The following IPP variants were observed in gnomAD, a reference collection of about 807,000 sequenced individuals.
IPP encodes actin-binding protein IPP.
A neutral mutation model predicts 64.1 loss-of-function variants in IPP; 41 were observed. The ratio of observed to expected loss-of-function variants is 0.64; its 90% confidence interval spans 0.50 to 0.83. The LOEUF is 0.83. Ranked by LOEUF, IPP falls within the 40% of genes least tolerant of loss-of-function variation. The pLI is 0.00. For missense variants in IPP, 649 were observed against 703.0 expected (o/e 0.92, Z 0.87); for synonymous variants, 214 against 235.2 (o/e 0.91, Z 0.83).
At position 45,746,268 on chromosome 1, in the gene IPP, A is replaced by C. The variant is rs1557763643; in HGVS notation, c.144T>G (p.Phe48Leu). ...CAGCCAAAACCAGCCGATGAGCTTT[A>C]AAACTTTCCTGTCCAACTTGCAGCT... The part of the protein sequence containing the change: ...DVQLQVGQES[F>L]KAHRLVLAAS... Residue 48 changes from phenylalanine to leucine, a missense_variant, in exon 2 of 9, where the codon TTT becomes TTG. By Grantham distance (22) the Phe-to-Leu change is conservative. Transcript: ENST00000396478. The C allele has an allele frequency of 6.2e-7, 1 of 1,614,214 alleles. No homozygotes were observed. The highest frequency in any genetic ancestry group is 8.5e-7 in the Non-Finnish European group (1 of 1,180,040).
chr1:45,725,030 C>A (rs1645794957), intron 5 of IPP, among the ~76,000 whole-genome samples: 1 of 146,106 alleles, frequency 6.8e-6, no homozygotes, highest in Non-Finnish European at 1.5e-5. Context: ...GGGTCAGCCC[C>A]CCGCCCGGCC....
intron 1 of IPP, among the ~76,000 whole-genome samples, chr1:45,749,978 G>C (rs1210978257): frequency 6.6e-6 from 1 of 152,124 alleles, no homozygotes; most frequent in Non-Finnish European, 1.5e-5. Context: ...GCTAGAGCCT[G>C]AGAAGTCGAG....
chr1:45,743,903 G>A (rs994978522), intron 2 of IPP, among the ~76,000 whole-genome samples: 1 of 151,688 alleles, frequency 6.6e-6, no homozygotes, highest in African/African-American at 2.4e-5. Context: ...TATAATCCCA[G>A]CTACTTGGGA....
intron 1 of IPP, among the ~76,000 whole-genome samples, chr1:45,749,873 GC>G (rs1455168423): frequency 4.6e-5 from 7 of 151,902 alleles, no homozygotes; most frequent in Non-Finnish European, 1.0e-4. Context: ...AATACAGCGA[GC>G]CCCCCGCCGC....
intron 7 of IPP, among the ~76,000 whole-genome samples, chr1:45,715,102 G>A (rs1645639691): frequency 6.6e-6 from 1 of 151,646 alleles, no homozygotes; most frequent in East Asian, 1.9e-4. Context: ...GACTGAGGTG[G>A]GAGGATGGCT....
chr1:45,714,284 C>T lies in IPP; in HGVS notation c.1492G>A (p.Asp498Asn), dbSNP rs1226144051. Reference sequence around the variant, plus strand: ...TATTTTTCTACAGTATGAAGAGCATCTTGGGTCTCATTCCATCCTCCAACA... The same window carrying T: ...TATTTTTCTACAGTATGAAGAGCATTTTGGGTCTCATTCCATCCTCCAACA... ...YSVGGWNETQ[D>N]ALHTVEKYSF... is the part of the protein sequence containing the mutation. Residue 498 changes from aspartate (D) to asparagine (N), a missense_variant, in exon 8 of 9, where the codon GAT becomes AAT. By Grantham distance (23) the Asp-to-Asn change is conservative. Coordinates refer to ENST00000396478, the MANE Select transcript of IPP (RefSeq NM_005897.3). The T allele has an allele frequency of 5.6e-6, 9 of 1,614,004 alleles. No individual in the cohort carries two copies. The African/African-American group carries it at 6.7e-5, about 12-fold the overall frequency.
intron 1 of IPP, among the ~76,000 whole-genome samples, chr1:45,749,761 C>A (rs184413798): frequency 2.0e-5 from 3 of 151,994 alleles, no homozygotes; most frequent in Admixed American, 1.3e-4. Flanking sequence ...ACCTCGTGAT[C>A]CGCCCGCCTC....
chr1:45,729,103 G>A (rs1249774737), intron 4 of IPP, among the ~76,000 whole-genome samples: 2 of 146,816 alleles, frequency 1.4e-5, no homozygotes, highest in Admixed American at 6.9e-5. Flanking sequence ...CCGAGATCAC[G>A]CCACTGCACT....
At chr1:45,741,394 C>A in intron 2 of IPP, 62 bp from the exon 3 acceptor site, 1 of 1,139,236 alleles carries the variant, frequency 8.8e-7, no homozygotes, top group African/African-American at 1.6e-5. Context: ...TTACCATATT[C>A]AAAAAGTATT....
At position 45,700,192 on chromosome 1, in the gene IPP, TGGTTAAGAGAGAAAAAAAAA is replaced by T. The variant is rs1645433656; in HGVS notation, c.1531-22_1531-3del. 5 of 1,592,970 alleles carry T rather than the reference TGGTTAAGAGAGAAAAAAAAA, an allele frequency of 3.1e-6. No individual in the cohort carries two copies. Among genetic ancestry groups the T allele is most frequent in the Non-Finnish European group, 4.3e-6 (5 of 1,172,414 alleles). ...TGAGGCAACTTCAACCCACTTTTCC[TGGTTAAGAGAGAAAAAAAAA>T]ATATGTTAGCAGTGTTATGAAATGA... On this transcript the variant is annotated splice_polypyrimidine_tract_variant and splice_region_variant and intron_variant, in intron 8 of 8. Transcript: ENST00000396478.
intron 3 of IPP, among the ~76,000 whole-genome samples, chr1:45,736,657 A>G (rs546862471): frequency 2.2e-4 from 33 of 152,222 alleles, no homozygotes; most frequent in Non-Finnish European, 4.3e-4. Flanking sequence ...CCACTAGATG[A>G]TAACTACTGG....
intron 8 of IPP, among the ~76,000 whole-genome samples, chr1:45,709,807 AAG>A (rs1467184844): frequency 2.7e-5 from 1 of 36,470 alleles, no homozygotes; most frequent in East Asian, 9.2e-4. Context: ...AGCCTGGCGA[AAG>A]AGAGCAAGAC....
At chr1:45,720,396 C>A (rs1001587426) in intron 5 of IPP, among the ~76,000 whole-genome samples, 1 of 151,806 alleles carries the variant, frequency 6.6e-6, no homozygotes, top group Non-Finnish European at 1.5e-5. Flanking sequence ...TTATAAGAGT[C>A]AATGTATCAT....
chr1:45,725,306 G>T (rs1645804820), intron 5 of IPP, among the ~76,000 whole-genome samples: 1 of 135,498 alleles, frequency 7.4e-6, no homozygotes, highest in African/African-American at 2.7e-5. Context: ...GAGCCCCTCT[G>T]CCCGGCCAGC....
intron 8 of IPP, among the ~76,000 whole-genome samples, chr1:45,706,373 G>A (rs1213003958): frequency 6.6e-6 from 1 of 152,106 alleles, no homozygotes; most frequent in Non-Finnish European, 1.5e-5. Context: ...GGCTAAATTG[G>A]GAGGATTACT....
intron 5 of IPP, among the ~76,000 whole-genome samples, chr1:45,726,152 C>G (rs1414075931): frequency 2.4e-5 from 2 of 82,710 alleles, no homozygotes; most frequent in Admixed American, 3.3e-4. Context: ...ATAGTGAGAC[C>G]CCATCTCTAA....
chr1:45,724,306 T>G (rs1025061033), intron 5 of IPP, among the ~76,000 whole-genome samples: 4 of 151,800 alleles, frequency 2.6e-5, no homozygotes, highest in Middle Eastern at 3.4e-3. Flanking sequence ...CAGGCTGGAG[T>G]GCAGTGGCGT....
At chr1:45,736,378 T>A (rs1645981734) in intron 3 of IPP, among the ~76,000 whole-genome samples, 1 of 152,122 alleles carries the variant, frequency 6.6e-6, no homozygotes, top group Non-Finnish European at 1.5e-5. Flanking sequence ...TATCTAATAA[T>A]ATTAAATTGC....
At position 45,698,717 on chromosome 1, in the gene IPP, C is replaced by CT. The variant is rs78627575; in HGVS notation, c.*1248dup. Reference sequence around the variant, plus strand: ...AGCAAAAAAGGAAGAATTTTTTTTTCTTTTTTTTTTTTTTTTTTTGAGACA... The same window carrying CT: ...AGCAAAAAAGGAAGAATTTTTTTTTCTTTTTTTTTTTTTTTTTTTTGAGACA... On this transcript the variant is annotated 3_prime_UTR_variant, in exon 9 of 9. Coordinates refer to ENST00000396478, the MANE Select transcript of IPP (RefSeq NM_005897.3). 112,922 of 721,638 alleles carry CT rather than the reference C, an allele frequency of 0.16. 8,048 individuals are homozygous for CT. Among genetic ancestry groups the CT allele is most frequent in the East Asian group, 0.46 (3,080 of 6,654 alleles). 44.7% of individuals were successfully genotyped at this position (721,638 alleles called of 1,614,324 possible).
Sources: gnomAD v4.1 joint callset for allele counts (sites outside exome capture counted in the v4.1 genomes callset) on GRCh38, gnomAD v4.1.1 for gene constraint, MANE v1.5 for transcripts, NCBI Gene and HGNC (gene_info 2026-07-23, HGNC 2026-07-21) for gene names.